The following CSMD1 variants were observed in gnomAD, a reference collection of about 807,000 sequenced individuals.
The protein encoded by CSMD1 is CUB and sushi domain-containing protein 1.
CSMD1 carries 213 observed loss-of-function variants against 417.5 expected under a neutral mutation model. The observed-to-expected ratio is 0.51, with a 90% CI of 0.46 to 0.57. The LOEUF is 0.57. Among genes scored for constraint, CSMD1 ranks in the 20% least tolerant of loss-of-function variants. CSMD1 has a pLI of 0.00. For missense variants in CSMD1, 6,923 were observed against 4,529.7 expected, an observed-to-expected ratio of 1.53 and a Z score of -15.17; for synonymous variants, 2,862 against 1,736.8, an observed-to-expected ratio of 1.65 and a Z score of -16.11.
intron 1 of CSMD1, among the ~76,000 whole-genome samples, chr8:4,793,088 G>C (rs771947177): frequency 6.6e-6 from 1 of 151,894 alleles, no homozygotes; most frequent in South Asian, 2.1e-4. Context: ...ATATAGCACT[G>C]TCATATACAA....
At chr8:3,170,701 G>A (rs1231146064) in intron 37 of CSMD1, among the ~76,000 whole-genome samples, 13 of 152,150 alleles carry the variant, frequency 8.5e-5, no homozygotes, top group Admixed American at 8.5e-4. Flanking sequence ...GAAATACAAA[G>A]CAGTTCATAA....
At chr8:4,831,952 G>C (rs368134535) in intron 1 of CSMD1, among the ~76,000 whole-genome samples, 11 of 152,098 alleles carry the variant, frequency 7.2e-5, no homozygotes, top group Non-Finnish European at 1.5e-4. Context: ...TAAAATTTTT[G>C]TCTGGGAGAA....
At chr8:3,678,786 A>G (rs1444211135) in intron 7 of CSMD1, among the ~76,000 whole-genome samples, 1 of 152,186 alleles carries the variant, frequency 6.6e-6, no homozygotes, top group Non-Finnish European at 1.5e-5. Flanking sequence ...GCAGCCAGAG[A>G]GAAAGGTCGG....
chr8:3,310,784 T>G (rs1805275576), intron 23 of CSMD1, among the ~76,000 whole-genome samples: 1 of 152,220 alleles, frequency 6.6e-6, no homozygotes, highest in South Asian at 2.1e-4. Flanking sequence ...CAGGAAACTG[T>G]GGGGTTCTGC....
intron 3 of CSMD1, among the ~76,000 whole-genome samples, chr8:4,058,152 C>T (rs1247237534): frequency 1.3e-5 from 2 of 152,140 alleles, no homozygotes; most frequent in African/African-American, 4.8e-5. Flanking sequence ...GATATTGACT[C>T]TTCCTACCCA....
chr8:3,175,494 TGCC>T (rs879359154), intron 37 of CSMD1, among the ~76,000 whole-genome samples: 1,441 of 115,854 alleles, frequency 0.012, 25 homozygotes, highest in African/African-American at 0.045. Context: ...CCTGCCTGCC[TGCC>T]TGCCTGCCTG....
At position 3,151,477 on chromosome 8, in the gene CSMD1, A is replaced by G; in HGVS notation, c.5951T>C (p.Val1984Ala). Residue 1984 changes from valine to alanine, a missense_variant, in exon 40 of 70, where the codon GTG (valine) becomes GCG (alanine). Transcript: ENST00000635120. ...CGGTLSTLGG[V>A]ILSPGFPGSY... ...ACCTGGGAAGCCGGGGCTCAGGATC[A>G]CACCACCCAAGGTGCTCAGCGTCCC... is the stretch of plus-strand genomic sequence containing the variant. 2 of 1,613,648 alleles carry G rather than the reference A, an allele frequency of 1.2e-6. No homozygotes were observed. The highest frequency in any genetic ancestry group is 1.7e-6 in the Non-Finnish European group (2 of 1,179,824).
intron 5 of CSMD1, among the ~76,000 whole-genome samples, chr8:3,771,443 T>C (rs1798569694): frequency 6.6e-6 from 1 of 152,070 alleles, no homozygotes; most frequent in Non-Finnish European, 1.5e-5. Flanking sequence ...CAAGTTCTTC[T>C]CTCAGTTGCT....
chr8:3,097,404 G>C (rs1262681377), intron 46 of CSMD1, among the ~76,000 whole-genome samples: 2 of 152,142 alleles, frequency 1.3e-5, no homozygotes, highest in South Asian at 2.1e-4. Context: ...ACAGTGAAAT[G>C]TTATGCAATA....
intron 3 of CSMD1, among the ~76,000 whole-genome samples, chr8:4,315,065 C>A (rs947125177): frequency 3.9e-5 from 6 of 152,138 alleles, no homozygotes; most frequent in Non-Finnish European, 7.3e-5. Context: ...ACTGCCCCGA[C>A]CATTTGAATG....
At chr8:4,667,781 A>G (rs1012426661) in intron 1 of CSMD1, among the ~76,000 whole-genome samples, 1 of 152,216 alleles carries the variant, frequency 6.6e-6, no homozygotes, top group Non-Finnish European at 1.5e-5. Flanking sequence ...ATTTTTCTAC[A>G]TAGACTACGT....
At chr8:3,859,286 C>G (rs886338841) in intron 5 of CSMD1, among the ~76,000 whole-genome samples, 4 of 152,214 alleles carry the variant, frequency 2.6e-5, no homozygotes, top group Admixed American at 6.5e-5. Flanking sequence ...AGTTTTCCTT[C>G]AACACCTATC....
intron 1 of CSMD1, among the ~76,000 whole-genome samples, chr8:4,843,747 G>A (rs1179719064): frequency 6.6e-6 from 1 of 152,200 alleles, no homozygotes; most frequent in Non-Finnish European, 1.5e-5. Context: ...ACAGTGCAGT[G>A]AGGTTGTACA....
chr8:3,653,288 G>T (rs888069848), intron 7 of CSMD1, among the ~76,000 whole-genome samples: 1 of 152,016 alleles, frequency 6.6e-6, no homozygotes, highest in Non-Finnish European at 1.5e-5. Context: ...AAAAATTAAA[G>T]AAAACTAAAG....
chr8:3,320,429 A>G (rs757910373), intron 23 of CSMD1, among the ~76,000 whole-genome samples: 5 of 152,218 alleles, frequency 3.3e-5, no homozygotes, highest in Admixed American at 6.5e-5. Context: ...TGAAAACACG[A>G]TAAGCTCCTC....
At chr8:3,830,644 A>G (rs1296498243) in intron 5 of CSMD1, among the ~76,000 whole-genome samples, 1 of 152,206 alleles carries the variant, frequency 6.6e-6, no homozygotes, top group Non-Finnish European at 1.5e-5. Flanking sequence ...CATGGCCAAT[A>G]TCAATGTGCC....
chr8:4,393,063 C>T lies in CSMD1; in HGVS notation c.415+26890G>A, dbSNP rs375954538. On this transcript the variant is annotated intron_variant, in intron 3 of 69. Coordinates refer to ENST00000635120, the MANE Select transcript of CSMD1 (RefSeq NM_033225.6). The stretch of plus-strand genomic sequence containing the variant: ...TGACCTAGGCTCACTGTACCCTCCG[C>T]CTCCGGGGTTCAAGCGATTCTCGTG... 9.9e-5 allele frequency among the ~76,000 whole-genome samples: 15 copies of T among 152,146 alleles called. No individual in the cohort carries two copies. The East Asian group carries it at 2.5e-3, about 26-fold the overall frequency.
chr8:3,192,800 A>G (rs573454358), intron 33 of CSMD1, among the ~76,000 whole-genome samples: 2 of 152,364 alleles, frequency 1.3e-5, no homozygotes, highest in African/African-American at 4.8e-5. Flanking sequence ...TGCTCAAAAC[A>G]AAGCAGATTT....
At position 3,691,667 on chromosome 8, in the gene CSMD1, G is replaced by A. The variant is rs566272317; in HGVS notation, c.1009+16747C>T. On this transcript the variant is annotated intron_variant, in intron 7 of 69. Transcript: ENST00000635120. ...AGTACCCTTTCGTGGCAGGCACTGG[G>A]CTAAGTATTTTTTATAGCAATGTAA... Among the ~76,000 whole-genome samples the A allele has an allele frequency of 2.0e-5, 3 of 152,172 alleles. No individual in the cohort carries two copies. The East Asian group carries it at 5.8e-4, about 29-fold the overall frequency.
Sources: allele counts gnomAD v4.1 joint callset (sites outside exome capture counted in the v4.1 genomes callset), GRCh38; gene constraint gnomAD v4.1.1; transcripts MANE v1.5; gene names NCBI Gene and HGNC (gene_info 2026-07-23, HGNC 2026-07-21).